The following TCF25 variants were observed in gnomAD, a reference collection of about 807,000 sequenced individuals.
TCF25 encodes the protein TCF25 ribosome quality control complex subunit.
Under a neutral mutation model 83.1 loss-of-function variants are expected in TCF25, and 41 were observed. The ratio of observed to expected loss-of-function variants is 0.49; its 90% confidence interval spans 0.38 to 0.64. The LOEUF is 0.64. Among genes scored for constraint, TCF25 ranks in the 30% least tolerant of loss-of-function variants. TCF25 has a pLI of 0.00. For synonymous variants in TCF25, 458 were observed against 365.0 expected (o/e 1.25, Z -2.90); for missense variants, 979 against 914.5 (o/e 1.07, Z -0.91).
intron 5 of TCF25, among the ~76,000 whole-genome samples, chr16:89,891,632 G>T (rs533534317): frequency 1.3e-5 from 2 of 152,374 alleles, no homozygotes; most frequent in South Asian, 4.1e-4. Flanking sequence ...AGCTGGGCAG[G>T]TGGGGCAGCA....
At chr16:89,910,354 T>G in intron 16 of TCF25, 1 of 563,848 alleles carries the variant, frequency 1.8e-6, no homozygotes, top group Non-Finnish European at 3.2e-6. Flanking sequence ...CTGCCTCAGC[T>G]GAGTTGGTCT....
intron 5 of TCF25, among the ~76,000 whole-genome samples, chr16:89,891,510 G>A (rs1234885032): frequency 3.3e-5 from 5 of 152,202 alleles, no homozygotes; most frequent in East Asian, 1.9e-4. Context: ...CGGCTGCCAC[G>A]CCCCACCTGT....
chr16:89,909,668 T>A (rs1191987333), intron 16 of TCF25: 1 of 121,522 alleles, frequency 8.2e-6, no homozygotes, highest in Non-Finnish European at 1.6e-5. Context: ...ACAGAGTGAC[T>A]CCATCTCAAA....
At chr16:89,907,367 TCCTCC>T in intron 16 of TCF25, 45 bp downstream of exon 16, 7 of 1,115,790 alleles carry the variant, frequency 6.3e-6, no homozygotes, top group East Asian at 6.2e-5. Context: ...CCCACCTCCC[TCCTCC>T]CAGTTCCCAG....
chr16:89,908,003 G>A (rs1375145705), intron 16 of TCF25, among the ~76,000 whole-genome samples: 3 of 66,520 alleles, frequency 4.5e-5, no homozygotes, highest in Non-Finnish European at 8.7e-5. Context: ...CCACCTCCCA[G>A]CTACCGCCTC....
rs144328773 is a variant in TCF25 at position 89,898,615 on chromosome 16, C to T, written c.1081C>T (p.Arg361Cys). The T allele has an allele frequency of 2.8e-5, 45 of 1,612,758 alleles. No individual in the cohort carries two copies. Among genetic ancestry groups the T allele is most frequent in the Admixed American group, 5.0e-5 (3 of 59,994 alleles). ...MSFLEKRGCP[R>C]TALEYCKLIL... ...CTTCCTGGAGAAGCGAGGCTGCCCG[C>T]GCACGGCGCTGGAGTACTGCAAGCT... The change falls in exon 10 of 18, where the codon CGC (arginine) becomes TGC (cysteine). Residue 361 changes from arginine (R) to cysteine (C), a missense_variant. Arg to Cys is a radical substitution (Grantham distance 180, BLOSUM62 -3). Transcript: ENST00000263346.
chr16:89,896,696 G>T (rs1381124021), intron 9 of TCF25, among the ~76,000 whole-genome samples: 3 of 152,116 alleles, frequency 2.0e-5, no homozygotes, highest in East Asian at 3.9e-4. Context: ...TGGGCCTACA[G>T]GCACGTGCCA....
At chr16:89,887,113 AG>A (rs2043075638) in intron 4 of TCF25, among the ~76,000 whole-genome samples, 1 of 151,988 alleles carries the variant, frequency 6.6e-6, no homozygotes, top group Middle Eastern at 3.2e-3. Context: ...AGCCCACTGC[AG>A]CCTCGACCTC....
At chr16:89,906,011 C>G (rs2044745581) in intron 14 of TCF25, 183 bp from the exon 15 acceptor site, 1 of 591,390 alleles carries the variant, frequency 1.7e-6, no homozygotes, top group Admixed American at 2.9e-5. Context: ...AGAGGCTCCC[C>G]AGCCGCAGGC....
chr16:89,904,468 C>G, intron 13 of TCF25: 1 of 549,176 alleles, frequency 1.8e-6, no homozygotes. Context: ...CGGCACATGC[C>G]TGTAATCTCA....
chr16:89,903,715 G>T (rs2044538509), intron 12 of TCF25, among the ~76,000 whole-genome samples: 1 of 152,204 alleles, frequency 6.6e-6, no homozygotes, highest in African/African-American at 2.4e-5. Context: ...GCTGAGGCAG[G>T]AGAATCGCTT....
chr16:89,876,295 T>C (rs1055957618), intron 1 of TCF25, among the ~76,000 whole-genome samples: 2 of 152,248 alleles, frequency 1.3e-5, no homozygotes, highest in African/African-American at 2.4e-5. Flanking sequence ...GGAAATAATA[T>C]AATCAAAATG....
At chr16:89,878,773 T>A in intron 1 of TCF25, 2 of 604,238 alleles carry the variant, frequency 3.3e-6, no homozygotes, top group Non-Finnish European at 2.1e-6. Context: ...CCTGAGTAGC[T>A]GGGACTACAG....
At chr16:89,897,956 A>C (rs1440167230) in intron 9 of TCF25, among the ~76,000 whole-genome samples, 1 of 152,092 alleles carries the variant, frequency 6.6e-6, no homozygotes, top group Non-Finnish European at 1.5e-5. Context: ...ACAAAAAATC[A>C]GCTGGGTGTG....
chr16:89,902,969 C>T (rs1271336112), intron 12 of TCF25, among the ~76,000 whole-genome samples: 1 of 152,188 alleles, frequency 6.6e-6, no homozygotes, highest in Admixed American at 6.5e-5. Context: ...CAGAAACGTG[C>T]CCCCCAGAGG....
At chr16:89,906,049 G>A (rs1272806076) in intron 14 of TCF25, 145 bp from the exon 15 acceptor site, 15 of 720,730 alleles carry the variant, frequency 2.1e-5, no homozygotes, top group Non-Finnish European at 2.5e-5. Context: ...GCCTCTGCTC[G>A]AGAGTAAAGT....
intron 9 of TCF25, among the ~76,000 whole-genome samples, chr16:89,898,076 T>C (rs1272467299): frequency 2.0e-5 from 3 of 150,704 alleles, no homozygotes; most frequent in African/African-American, 7.4e-5. Context: ...GCCACTGCAC[T>C]CCAGCCTGGG....
intron 12 of TCF25, 56 bp downstream of exon 12, chr16:89,900,850 G>C: frequency 3.4e-6 from 5 of 1,457,896 alleles, no homozygotes; most frequent in Non-Finnish European, 4.6e-6. Context: ...AGCCGTGGGG[G>C]CTGCTCTTCC....
At chr16:89,876,870 A>G (rs761244238) in intron 1 of TCF25, among the ~76,000 whole-genome samples, 6 of 147,668 alleles carry the variant, frequency 4.1e-5, no homozygotes, top group Non-Finnish European at 7.4e-5. Context: ...CGGAGCTTGC[A>G]GTGAGCTGAG....
Sources: gnomAD v4.1 joint callset for allele counts (sites outside exome capture counted in the v4.1 genomes callset) on GRCh38, gnomAD v4.1.1 for gene constraint, MANE v1.5 for transcripts, NCBI Gene and HGNC (gene_info 2026-07-23, HGNC 2026-07-21) for gene names.